KHDRBS2: variants seen among roughly 807,000 people sequenced by gnomAD.
KHDRBS2 encodes the protein KH domain-containing, RNA-binding, signal transduction-associated protein 2.
Under a neutral mutation model 44.3 loss-of-function variants are expected in KHDRBS2, and 26 were observed. That is an observed-to-expected ratio of 0.59 (90% CI 0.43 to 0.81). The LOEUF is 0.81. Ranked by LOEUF, KHDRBS2 falls within the 40% of genes least tolerant of loss-of-function variation. The probability of loss-of-function intolerance (pLI) is 0.00; values close to 1 mark genes in which losing one functional copy is unlikely to be tolerated. For synonymous variants in KHDRBS2, 194 were observed against 151.1 expected, an observed-to-expected ratio of 1.28 and a Z score of -2.08; for missense variants, 476 against 433.1, an observed-to-expected ratio of 1.10 and a Z score of -0.88.
chr6:61,595,857 A>T, the KHDRBS2 span, among the ~76,000 whole-genome samples: 1 of 151,696 alleles, frequency 6.6e-6, no homozygotes, highest in Non-Finnish European at 1.5e-5. Flanking sequence ...TTATTACTTA[A>T]TTTAACATAA....
At chr6:61,631,335 A>AAAG in the KHDRBS2 span, among the ~76,000 whole-genome samples, 610 of 104,634 alleles carry the variant, frequency 5.8e-3, 71 homozygotes, top group Middle Eastern at 0.012. Flanking sequence ...AAAAAAAAAA[A>AAAG]AAGACAATAC....
intron 6 of KHDRBS2, among the ~76,000 whole-genome samples, chr6:61,803,029 G>A (rs1405596963): frequency 6.6e-6 from 1 of 152,184 alleles, no homozygotes; most frequent in Non-Finnish European, 1.5e-5. Context: ...AGGTTTATTG[G>A]CCTAAGCATT....
At chr6:61,978,695 G>C (rs16868346) in intron 3 of KHDRBS2, among the ~76,000 whole-genome samples, 6,748 of 152,132 alleles carry the variant, frequency 0.044, 520 homozygotes, top group African/African-American at 0.15. Context: ...AACTATACAA[G>C]TCAAGGCTTA....
At chr6:61,804,304 C>A (rs188358637) in intron 6 of KHDRBS2, among the ~76,000 whole-genome samples, 83 of 152,306 alleles carry the variant, frequency 5.4e-4, no homozygotes, top group African/African-American at 1.9e-3. Flanking sequence ...CACGATGATG[C>A]AAGAGGTAGG....
At chr6:62,086,326 G>C (rs1798370040) in intron 2 of KHDRBS2, among the ~76,000 whole-genome samples, 1 of 152,112 alleles carries the variant, frequency 6.6e-6, no homozygotes, top group African/African-American at 2.4e-5. Context: ...TGACTCAAAG[G>C]CTGAAAAAAC....
rs527907836 is a variant in KHDRBS2 at position 61,985,608 on chromosome 6, C to T, written c.337-7396G>A. 3.3e-5 allele frequency among the ~76,000 whole-genome samples: 5 copies of T among 152,220 alleles called. No homozygotes were observed. The East Asian group carries it at 9.6e-4, about 29-fold the overall frequency. On this transcript the variant is annotated intron_variant, in intron 3 of 8. Coordinates refer to ENST00000281156, the MANE Select transcript of KHDRBS2 (RefSeq NM_152688.4). Reference sequence around the variant, plus strand: ...ACCACCTTGGATCAAAATGATGATCCTTTCCTATGCATTCAATGACATCAG... The same window carrying T: ...ACCACCTTGGATCAAAATGATGATCTTTTCCTATGCATTCAATGACATCAG...
At chr6:61,588,029 A>G in the KHDRBS2 span, among the ~76,000 whole-genome samples, 2 of 152,204 alleles carry the variant, frequency 1.3e-5, no homozygotes, top group Admixed American at 1.3e-4. Context: ...TATGAACTGC[A>G]TATTCTAAGC....
intron 1 of KHDRBS2, among the ~76,000 whole-genome samples, chr6:62,219,370 C>A (rs550126): frequency 0.19 from 28,125 of 151,542 alleles, 3,014 homozygotes; most frequent in African/African-American, 0.31. Context: ...ATGGAAAAAA[C>A]CATAAATAAA....
At chr6:61,877,456 T>A (rs1333532673) in intron 6 of KHDRBS2, among the ~76,000 whole-genome samples, 3 of 151,462 alleles carry the variant, frequency 2.0e-5, no homozygotes, top group Non-Finnish European at 4.4e-5. Context: ...TTTGTTTTTG[T>A]TTTTGTTTTT....
intron 5 of KHDRBS2, among the ~76,000 whole-genome samples, chr6:61,900,710 T>A (rs1198597066): frequency 2.0e-5 from 3 of 152,204 alleles, no homozygotes; most frequent in Non-Finnish European, 2.9e-5. Flanking sequence ...GCATATATGT[T>A]ATCTGTATCT....
intron 6 of KHDRBS2, among the ~76,000 whole-genome samples, chr6:61,834,473 C>G (rs532419483): frequency 6.6e-6 from 1 of 152,108 alleles, no homozygotes; most frequent in South Asian, 2.1e-4. Context: ...AGCTCTGATT[C>G]TGGTTTAATT....
chr6:62,274,059 C>T (rs1405553619), intron 1 of KHDRBS2, among the ~76,000 whole-genome samples: 1 of 152,146 alleles, frequency 6.6e-6, no homozygotes, highest in African/African-American at 2.4e-5. Flanking sequence ...CCTCAGTCTC[C>T]TGAGTAGCAG....
intron 2 of KHDRBS2, among the ~76,000 whole-genome samples, chr6:62,068,504 T>C (rs890802983): frequency 4.6e-5 from 7 of 151,596 alleles, no homozygotes; most frequent in Non-Finnish European, 8.9e-5. Context: ...CACAAACTTT[T>C]AAAAAATTTT....
chr6:62,193,812 A>C (rs1825081071), intron 1 of KHDRBS2, among the ~76,000 whole-genome samples: 1 of 152,106 alleles, frequency 6.6e-6, no homozygotes, highest in African/African-American at 2.4e-5. Context: ...TTTGATTTGC[A>C]TTTCTTTAAT....
At chr6:61,769,936 C>A (rs1008126239) in intron 6 of KHDRBS2, among the ~76,000 whole-genome samples, 1 of 152,176 alleles carries the variant, frequency 6.6e-6, no homozygotes, top group Non-Finnish European at 1.5e-5. Context: ...AGGCACCCCC[C>A]AGTAGGGGTG....
intron 1 of KHDRBS2, among the ~76,000 whole-genome samples, chr6:62,189,139 A>G (rs952245294): frequency 6.6e-6 from 1 of 151,964 alleles, no homozygotes; most frequent in African/African-American, 2.4e-5. Context: ...AACAAAAAAA[A>G]AAGAAGAAGA....
At chr6:62,013,160 G>T (rs983544108) in intron 3 of KHDRBS2, among the ~76,000 whole-genome samples, 1 of 152,124 alleles carries the variant, frequency 6.6e-6, no homozygotes, top group African/African-American at 2.4e-5. Context: ...TAATTGACAA[G>T]ATTTCTAAGA....
chr6:61,729,788 A>G (rs976111246), intron 7 of KHDRBS2, among the ~76,000 whole-genome samples: 3 of 152,132 alleles, frequency 2.0e-5, no homozygotes, highest in Admixed American at 6.6e-5. Context: ...TTTAAAAGGC[A>G]GGTTATTTAT....
chr6:61,766,532 T>C (rs2127574519), intron 6 of KHDRBS2, among the ~76,000 whole-genome samples: 1 of 152,224 alleles, frequency 6.6e-6, no homozygotes, highest in East Asian at 1.9e-4. Flanking sequence ...ACTTTTTTAG[T>C]TCTTTAAGAT....
Sources: allele counts gnomAD v4.1 joint callset (sites outside exome capture counted in the v4.1 genomes callset), GRCh38; gene constraint gnomAD v4.1.1; transcripts MANE v1.5; gene names NCBI Gene and HGNC (gene_info 2026-07-23, HGNC 2026-07-21).